ELMO1: variants seen among roughly 807,000 people sequenced by gnomAD.
ELMO1 encodes the protein engulfment and cell motility protein 1.
Under a neutral mutation model 98.9 loss-of-function variants are expected in ELMO1, and 26 were observed. The observed-to-expected ratio is 0.26, with a 90% confidence interval of 0.19 to 0.36. The LOEUF is 0.36. Among genes scored for constraint, ELMO1 ranks in the 10% least tolerant of loss-of-function variants. The pLI, the probability that ELMO1 is intolerant of heterozygous loss-of-function variation, is 1.00. For synonymous variants in ELMO1, 346 were observed against 346.0 expected, an observed-to-expected ratio of 1.00 and a Z score of 0.00; for missense variants, 627 against 935.2, an observed-to-expected ratio of 0.67 and a Z score of 4.30.
At chr7:37,095,473 T>C (rs929814713) in intron 15 of ELMO1, among the ~76,000 whole-genome samples, 1 of 152,046 alleles carries the variant, frequency 6.6e-6, no homozygotes, top group African/African-American at 2.4e-5. Flanking sequence ...TAAACCAGAG[T>C]AGGTGAATGC....
intron 15 of ELMO1, among the ~76,000 whole-genome samples, chr7:37,096,252 GAAAGA>G (rs1320695433): frequency 2.6e-5 from 4 of 151,900 alleles, no homozygotes; most frequent in African/African-American, 9.7e-5. Context: ...AAATTGCTTA[GAAAGA>G]AAAGAAAATG....
intron 16 of ELMO1, among the ~76,000 whole-genome samples, chr7:36,978,509 C>CA (rs141235073): frequency 0.011 from 1,650 of 151,966 alleles, 26 homozygotes; most frequent in African/African-American, 0.038. Flanking sequence ...GTGAAAGAAC[C>CA]AAAAATGTAC....
intron 15 of ELMO1, among the ~76,000 whole-genome samples, chr7:37,092,485 T>C (rs1413541176): frequency 5.4e-5 from 8 of 148,876 alleles, no homozygotes. Context: ...TTCACACCAT[T>C]CTCCTGCCTC....
chr7:36,959,099 C>A (rs1788717490), intron 16 of ELMO1, among the ~76,000 whole-genome samples: 1 of 152,128 alleles, frequency 6.6e-6, no homozygotes, highest in African/African-American at 2.4e-5. Flanking sequence ...TCATCAGTCT[C>A]TCCCACCACA....
At position 36,854,630 on chromosome 7, in the gene ELMO1, G is replaced by A. The variant is rs924176060; in HGVS notation, c.*921C>T. On this transcript the variant is annotated 3_prime_UTR_variant, in exon 22 of 22. Transcript: ENST00000310758. ...TGTAAACTTGGATGTCTGACAGCTT[G>A]ACCATCCTGTGGAACTTGAGTTGCA... is the stretch of plus-strand genomic sequence containing the variant. 7.2e-5 allele frequency: 11 copies of A among 152,172 alleles called. No homozygotes were observed. The highest frequency in any genetic ancestry group is 2.2e-4 in the African/African-American group (9 of 41,306). The allele number at this position is 152,172 out of a possible 1,614,324, so 9.4% of individuals were successfully genotyped here.
chr7:36,885,387 A>G (rs1804880015), intron 18 of ELMO1, among the ~76,000 whole-genome samples: 1 of 152,218 alleles, frequency 6.6e-6, no homozygotes, highest in Non-Finnish European at 1.5e-5. Flanking sequence ...ATCTAGAAAC[A>G]GGATTATTCT....
chr7:36,907,779 T>G (rs991467039), intron 16 of ELMO1, among the ~76,000 whole-genome samples: 1 of 152,216 alleles, frequency 6.6e-6, no homozygotes, highest in Admixed American at 6.5e-5. Flanking sequence ...CTCTCTCCCA[T>G]GCCAATGGCA....
intron 16 of ELMO1, among the ~76,000 whole-genome samples, chr7:36,985,566 C>G (rs1405840992): frequency 6.6e-6 from 1 of 152,168 alleles, no homozygotes; most frequent in Non-Finnish European, 1.5e-5. Context: ...GCACCTTTTT[C>G]TCTCTTCCTA....
In ELMO1 at chr7:37,259,035, G is replaced by A. The variant is rs148542577; in HGVS notation, c.413+146C>T. On this transcript the variant is annotated intron_variant, in intron 6 of 21. Coordinates refer to ENST00000310758, the MANE Select transcript of ELMO1 (RefSeq NM_014800.11). The stretch of plus-strand genomic sequence containing the variant: ...CTTGAAATTACAAACCCACTGCCTC[G>A]CCACTATCTTAAAAACTATTTTTTT... 1.8e-4 allele frequency: 156 copies of A among 879,364 alleles called. No homozygotes were observed. In the African/African-American group the frequency reaches 2.3e-3, roughly 13 times the overall value. 54.5% of individuals were successfully genotyped at this position (879,364 alleles called of 1,614,324 possible).
At chr7:37,019,044 A>T (rs1265592294) in intron 15 of ELMO1, among the ~76,000 whole-genome samples, 3 of 152,220 alleles carry the variant, frequency 2.0e-5, no homozygotes, top group Admixed American at 2.0e-4. Flanking sequence ...GAAATTTCAC[A>T]TGAGGAGGTA....
chr7:37,354,440 A>C (rs1450279773), intron 1 of ELMO1, among the ~76,000 whole-genome samples: 2 of 152,182 alleles, frequency 1.3e-5, no homozygotes, highest in South Asian at 2.1e-4. Flanking sequence ...GAGAGGTGAG[A>C]GGAGGGCCTA....
chr7:37,256,723 G>GGGGGA (rs1795677288), intron 6 of ELMO1, among the ~76,000 whole-genome samples: 1 of 105,118 alleles, frequency 9.5e-6, no homozygotes, highest in Non-Finnish European at 1.8e-5. Context: ...GAGAGGGGCA[G>GGGGGA]GGGGAAGGGA....
chr7:37,192,981 A>C (rs1045339551), intron 13 of ELMO1, among the ~76,000 whole-genome samples: 12 of 43,376 alleles, frequency 2.8e-4, no homozygotes, highest in Admixed American at 1.4e-3. Flanking sequence ...ATATATATAT[A>C]TATATATATA....
chr7:37,255,507 T>C (rs1470698733), intron 6 of ELMO1, among the ~76,000 whole-genome samples: 2 of 152,222 alleles, frequency 1.3e-5, no homozygotes. Flanking sequence ...CAAAAGCTCC[T>C]AGCAGGCAGT....
chr7:37,271,947 G>A, intron 4 of ELMO1, 65 bp from the exon 5 acceptor site: 3 of 1,413,016 alleles, frequency 2.1e-6, no homozygotes, highest in Middle Eastern at 4.1e-4. Context: ...GAGAACAAAG[G>A]CAAATATAAT....
At chr7:37,221,786 C>T (rs949287264) in intron 10 of ELMO1, among the ~76,000 whole-genome samples, 5 of 151,928 alleles carry the variant, frequency 3.3e-5, no homozygotes, top group African/African-American at 9.7e-5. Context: ...CTCTGCCTCC[C>T]GGCTTGGTTC....
intron 14 of ELMO1, among the ~76,000 whole-genome samples, chr7:37,105,944 CAT>C (rs1308689911): frequency 6.6e-6 from 1 of 152,170 alleles, no homozygotes; most frequent in Non-Finnish European, 1.5e-5. Flanking sequence ...TTTGGATCTA[CAT>C]AGAGGTAGTG....
At chr7:37,154,070 C>T (rs999465180) in intron 13 of ELMO1, among the ~76,000 whole-genome samples, 4 of 152,144 alleles carry the variant, frequency 2.6e-5, no homozygotes, top group South Asian at 2.1e-4. Flanking sequence ...AGCTGAGGGG[C>T]CTGTCTGTTA....
intron 19 of ELMO1, among the ~76,000 whole-genome samples, chr7:36,871,294 G>A (rs1803480228): frequency 6.6e-6 from 1 of 152,238 alleles, no homozygotes; most frequent in Non-Finnish European, 1.5e-5. Context: ...CTAGCACTTT[G>A]AGGGGCTGAG....
Sources: gnomAD v4.1 joint callset for allele counts (sites outside exome capture counted in the v4.1 genomes callset) on GRCh38, gnomAD v4.1.1 for gene constraint, MANE v1.5 for transcripts, NCBI Gene and HGNC (gene_info 2026-07-23, HGNC 2026-07-21) for gene names.